The following SLC36A1 variants were observed in gnomAD, a reference collection of about 807,000 sequenced individuals.
The protein encoded by SLC36A1 is proton-coupled amino acid transporter 1.
Under a neutral mutation model 47.5 loss-of-function variants are expected in SLC36A1, and 30 were observed. The observed-to-expected ratio is 0.63, with a 90% CI of 0.47 to 0.86. The LOEUF (loss-of-function observed/expected upper bound fraction) is 0.86. SLC36A1 is among the 40% of genes least tolerant of loss of function. SLC36A1 has a pLI of 0.00. For synonymous variants in SLC36A1, 255 were observed against 249.7 expected (o/e 1.02, Z -0.20); for missense variants, 517 against 606.0 (o/e 0.85, Z 1.54).
intron 5 of SLC36A1, among the ~76,000 whole-genome samples, chr5:151,465,633 C>A (rs896817424): frequency 2.0e-5 from 3 of 152,028 alleles, no homozygotes; most frequent in African/African-American, 7.3e-5. Flanking sequence ...AGATAAGAGA[C>A]CAGTAGTGGG....
the SLC36A1 span, among the ~76,000 whole-genome samples, chr5:151,431,531 A>C: frequency 6.6e-6 from 1 of 151,906 alleles, no homozygotes; most frequent in Admixed American, 6.6e-5. Context: ...TTGAATTATA[A>C]CTCCCACAAT....
At chr5:151,550,573 T>G in the SLC36A1 span, 85 of 1,613,304 alleles carry the variant, frequency 5.3e-5, no homozygotes, top group Non-Finnish European at 7.1e-5. Flanking sequence ...TCTCACCAGA[T>G]TTTTCCATTT....
chr5:151,525,789 T>C, the SLC36A1 span: 1 of 1,614,178 alleles, frequency 6.2e-7, no homozygotes, highest in Non-Finnish European at 8.5e-7. Flanking sequence ...GCTGATACCA[T>C]TCCTGAGCCC....
In SLC36A1 at chr5:151,479,470, A is replaced by C. The variant is rs758059586; in HGVS notation, c.1140A>C (p.Thr380=). 2.7e-5 allele frequency: 43 copies of C among 1,613,798 alleles called. No homozygotes were observed. Among genetic ancestry groups the C allele is most frequent in the Non-Finnish European group, 3.6e-5 (42 of 1,179,802 alleles). The change falls in exon 10 of 11, where the codon ACA becomes ACC. Residue 380 remains threonine, a synonymous_variant. Coordinates refer to ENST00000243389, the MANE Select transcript of SLC36A1 (RefSeq NM_078483.4). ...CELVVDLFVR[T]VLVCLTCILA... ...TAGTGGTGGACCTGTTTGTGCGCAC[A>C]GTGCTGGTCTGCCTGACATGTGAGT...
At chr5:151,510,457 G>A in the SLC36A1 span, 2 of 277,868 alleles carry the variant, frequency 7.2e-6, no homozygotes, top group South Asian at 1.3e-4. Context: ...GCTAGTCACT[G>A]TTCCAAGGAT....
At chr5:151,463,712 A>G (rs1755925595) in intron 3 of SLC36A1, 69 bp downstream of exon 3, 9 of 1,211,528 alleles carry the variant, frequency 7.4e-6, no homozygotes, top group South Asian at 4.9e-5. Flanking sequence ...TGTTGTTAAA[A>G]TGTACTTGCT....
chr5:151,532,511 A>T, the SLC36A1 span, among the ~76,000 whole-genome samples: 1 of 152,304 alleles, frequency 6.6e-6, no homozygotes, highest in South Asian at 2.1e-4. Context: ...TCCAGTTTTG[A>T]TATTATCCTA....
At chr5:151,480,000 C>G (rs899979205) in intron 10 of SLC36A1, 32 of 834,858 alleles carry the variant, frequency 3.8e-5, no homozygotes, top group Non-Finnish European at 5.7e-5. Context: ...ATTGATTAAC[C>G]TAGGTATTTG....
At chr5:151,451,007 C>G (rs1753575386) in intron 1 of SLC36A1, 1 of 152,234 alleles carries the variant, frequency 6.6e-6, no homozygotes, top group Non-Finnish European at 1.5e-5. Context: ...TACCTCTCTC[C>G]TTTGGCCAGG....
the SLC36A1 span, among the ~76,000 whole-genome samples, chr5:151,551,931 T>TA: frequency 1.3e-5 from 2 of 151,992 alleles, no homozygotes; most frequent in African/African-American, 4.8e-5. Context: ...CATGATATAT[T>TA]ACATTTAAAA....
At chr5:151,522,330 AC>A in the SLC36A1 span, among the ~76,000 whole-genome samples, 1 of 152,216 alleles carries the variant, frequency 6.6e-6, no homozygotes, top group African/African-American at 2.4e-5. Context: ...ATGCAGTAAA[AC>A]AATGCAGTTT....
chr5:151,543,313 A>G, the SLC36A1 span: 1 of 1,614,200 alleles, frequency 6.2e-7, no homozygotes. Context: ...CAACACCTGG[A>G]TAACCGGAGA....
downstream of SLC36A1, among the ~76,000 whole-genome samples, chr5:151,496,018 A>G (rs1760328107): frequency 6.6e-6 from 1 of 152,174 alleles, no homozygotes; most frequent in African/African-American, 2.4e-5. Flanking sequence ...TTTCTCTGGG[A>G]TATATGCCCA....
At chr5:151,363,966 A>T in the SLC36A1 span, among the ~76,000 whole-genome samples, 3 of 152,220 alleles carry the variant, frequency 2.0e-5, no homozygotes, top group African/African-American at 4.8e-5. Context: ...TGGCAACAGG[A>T]TGTATCCACA....
chr5:151,531,572 G>A, the SLC36A1 span: 13 of 1,611,576 alleles, frequency 8.1e-6, no homozygotes, highest in Non-Finnish European at 8.5e-6. This position sits in a 1 kb window ranked among gnomAD's most constrained non-coding sequence, Gnocchi z 5.7. Flanking sequence ...GGGGCTTGGT[G>A]GATCAGGCTC....
chr5:151,376,608 T>G, the SLC36A1 span, among the ~76,000 whole-genome samples: 3 of 152,142 alleles, frequency 2.0e-5, no homozygotes, highest in African/African-American at 7.2e-5. Flanking sequence ...CTCAGAATTA[T>G]GTTGTATATC....
chr5:151,382,412 T>C, the SLC36A1 span: 1 of 666,022 alleles, frequency 1.5e-6, no homozygotes, highest in Admixed American at 2.3e-5. Flanking sequence ...CCAGGCAAGC[T>C]CCTTGCTCAG....
At chr5:151,367,361 A>ATTTTTTTTTTTTTTTTTTTTTTTTTT in the SLC36A1 span, among the ~76,000 whole-genome samples, 1 of 118,846 alleles carries the variant, frequency 8.4e-6, no homozygotes, top group Non-Finnish European at 1.7e-5. Flanking sequence ...CCAGGAATGC[A>ATTTTTTTTTTTTTTTTTTTTTTTTTT]TTTTTTTTTT....
the SLC36A1 span, among the ~76,000 whole-genome samples, chr5:151,345,814 C>CT: frequency 6.6e-6 from 1 of 152,226 alleles, no homozygotes; most frequent in Non-Finnish European, 1.5e-5. Context: ...GGCTCCAACT[C>CT]TAACTCCTTT....
Sources: gnomAD v4.1 joint callset for allele counts (sites outside exome capture counted in the v4.1 genomes callset) on GRCh38, gnomAD v4.1.1 for gene constraint, Gnocchi (gnomAD v3.1) non-coding constraint, MANE v1.5 for transcripts, NCBI Gene and HGNC (gene_info 2026-07-23, HGNC 2026-07-21) for gene names.